The following DCC variants were observed in gnomAD, a reference collection of about 807,000 sequenced individuals.
DCC encodes the protein netrin receptor DCC.
A neutral mutation model predicts 172.5 loss-of-function variants in DCC; 58 were observed. That is an observed-to-expected ratio of 0.34 (90% CI 0.27 to 0.42). The LOEUF is 0.42. DCC is among the 10% of genes least tolerant of loss of function. The pLI is 1.00. For missense variants in DCC, 1,740 were observed against 1,791.0 expected, an observed-to-expected ratio of 0.97 and a Z score of 0.51; for synonymous variants, 709 against 644.5, an observed-to-expected ratio of 1.10 and a Z score of -1.52.
chr18:53,279,158 G>C (rs923264445), intron 12 of DCC, among the ~76,000 whole-genome samples: 1 of 152,104 alleles, frequency 6.6e-6, no homozygotes, highest in African/African-American at 2.4e-5. Context: ...TTCTCTGATG[G>C]CCAGTGATGA....
intron 1 of DCC, among the ~76,000 whole-genome samples, chr18:52,650,995 G>T (rs2035120659): frequency 6.6e-6 from 1 of 152,106 alleles, no homozygotes; most frequent in Admixed American, 6.5e-5. Flanking sequence ...ATTATTAAAA[G>T]CATATTGCTT....
chr18:53,264,476 CAA>C (rs935972832), intron 12 of DCC, among the ~76,000 whole-genome samples: 2 of 46,294 alleles, frequency 4.3e-5, no homozygotes, highest in Admixed American at 2.6e-4. Flanking sequence ...AACTCCGTCT[CAA>C]AAAAAAAAAA....
chr18:52,773,404 T>G (rs1337089097), intron 2 of DCC, among the ~76,000 whole-genome samples: 1 of 152,212 alleles, frequency 6.6e-6, no homozygotes, highest in Non-Finnish European at 1.5e-5. Flanking sequence ...AGATGATGTA[T>G]TCACCAAATC....
chr18:53,019,054 A>G (rs906600349), intron 5 of DCC, among the ~76,000 whole-genome samples: 5 of 152,202 alleles, frequency 3.3e-5, no homozygotes, highest in Non-Finnish European at 7.4e-5. Flanking sequence ...CTAGTAATGT[A>G]CTTTAATCAG....
chr18:53,160,025 G>A (rs772959452), intron 8 of DCC, among the ~76,000 whole-genome samples: 8 of 152,236 alleles, frequency 5.3e-5, no homozygotes, highest in Middle Eastern at 3.4e-3. Context: ...GGATGAGGAA[G>A]AGAAAGGGAA....
At chr18:52,673,631 G>T (rs1365985297) in intron 1 of DCC, among the ~76,000 whole-genome samples, 2 of 152,158 alleles carry the variant, frequency 1.3e-5, no homozygotes, top group Non-Finnish European at 2.9e-5. Context: ...ACTAGGTATA[G>T]CTCACCCTCA....
chr18:53,029,959 A>G (rs2042006221), intron 5 of DCC, among the ~76,000 whole-genome samples: 1 of 152,194 alleles, frequency 6.6e-6, no homozygotes, highest in African/African-American at 2.4e-5. Context: ...GCCTACCTAG[A>G]TATTTTATGC....
At chr18:52,703,800 G>GA (rs34414459) in intron 1 of DCC, among the ~76,000 whole-genome samples, 16,563 of 147,718 alleles carry the variant, frequency 0.11, 1,105 homozygotes, top group East Asian at 0.29. Flanking sequence ...AAGTTAAATG[G>GA]AAAAAAAAAA....
intron 1 of DCC, among the ~76,000 whole-genome samples, chr18:52,458,871 A>C (rs1213159268): frequency 6.6e-6 from 1 of 152,208 alleles, no homozygotes; most frequent in Non-Finnish European, 1.5e-5. Flanking sequence ...AGGAGAGTTA[A>C]AAAATAAAAA....
In DCC at chr18:53,081,272, A is replaced by C. The variant is rs578070027; in HGVS notation, c.1261+15106A>C. Among the ~76,000 whole-genome samples, 3 of 152,132 alleles carry C rather than the reference A, an allele frequency of 2.0e-5. No homozygotes were observed. The East Asian group carries it at 5.8e-4, about 29-fold the overall frequency. On this transcript the variant is annotated intron_variant, in intron 7 of 28. Coordinates refer to ENST00000442544, the MANE Select transcript of DCC (RefSeq NM_005215.4). The stretch of plus-strand genomic sequence containing the variant: ...AGTTCACAAATTGATTTTGCAGAGT[A>C]AGCTTGCTTTAGGAAATAAACACCT...
In DCC at chr18:53,391,802, C is replaced by G; in HGVS notation, c.2603C>G (p.Ser868Cys). 6.2e-7 allele frequency: 1 copy of G among 1,614,080 alleles called. No homozygotes were observed. The highest frequency in any genetic ancestry group is 2.2e-5 in the East Asian group (1 of 44,876). Residue 868 changes from serine (S) to cysteine (C), a missense_variant, in exon 17 of 29, where the codon TCT (serine) becomes TGT (cysteine). Around this residue, in one of 2 missense-constraint regions of DCC, gnomAD observed 1,732 missense variants for 1,767.4 expected, o/e 0.98. Coordinates refer to ENST00000442544, the MANE Select transcript of DCC (RefSeq NM_005215.4). Reference sequence around the variant, plus strand: ...GTGAGGGTCAGCTGGGCAGACAACTCTGTCCCTAAGAACCAAAAGACGTCT... The same window carrying G: ...GTGAGGGTCAGCTGGGCAGACAACTGTGTCCCTAAGAACCAAAAGACGTCT... ...DAVRVSWADN[S>C]VPKNQKTSEV...
chr18:52,768,498 A>G (rs1008159047), intron 2 of DCC, among the ~76,000 whole-genome samples: 1 of 152,166 alleles, frequency 6.6e-6, no homozygotes, highest in South Asian at 2.1e-4. Context: ...TGCCCTCAAC[A>G]TTTCAGACTA....
rs1422155114 is a variant in DCC at position 52,923,933 on chromosome 18, G to A, written c.848+76G>A. The A allele has an allele frequency of 8.3e-6, 9 of 1,080,838 alleles. No individual in the cohort carries two copies. In the South Asian group the frequency reaches 1.0e-4, roughly 12 times the overall value. 67.0% of individuals were successfully genotyped at this position (1,080,838 alleles called of 1,614,324 possible). A position where few individuals can be genotyped will look rare whatever the true frequency, so the allele number is the denominator to read the frequency against. On this transcript the variant is annotated intron_variant, in intron 4 of 28. Transcript: ENST00000442544. The stretch of plus-strand genomic sequence containing the variant: ...GCTGCTATTTATATTTCTCTAATTT[G>A]ATATAAGTACCTACAGTACTAGGGT...
At chr18:52,550,463 G>A (rs1200843748) in intron 1 of DCC, among the ~76,000 whole-genome samples, 1 of 152,066 alleles carries the variant, frequency 6.6e-6, no homozygotes, top group Admixed American at 6.6e-5. Context: ...TTCTCACTTG[G>A]CATTCTTTGT....
chr18:53,174,968 C>T (rs2055068499), intron 8 of DCC, among the ~76,000 whole-genome samples: 1 of 152,114 alleles, frequency 6.6e-6, no homozygotes, highest in Non-Finnish European at 1.5e-5. Flanking sequence ...CATCAAAAAG[C>T]TTATTCACCA....
At chr18:53,350,512 A>T (rs1272011210) in intron 15 of DCC, among the ~76,000 whole-genome samples, 1 of 152,162 alleles carries the variant, frequency 6.6e-6, no homozygotes, top group African/African-American at 2.4e-5. Context: ...GCATACAAAA[A>T]AGTAAATAAA....
At chr18:52,831,202 T>C (rs999437660) in intron 2 of DCC, among the ~76,000 whole-genome samples, 3 of 152,142 alleles carry the variant, frequency 2.0e-5, no homozygotes, top group African/African-American at 2.4e-5. Flanking sequence ...TTTCAAAGCA[T>C]AGCAAGATGA....
intron 7 of DCC, among the ~76,000 whole-genome samples, chr18:53,131,564 A>G (rs940313264): frequency 3.9e-5 from 6 of 152,170 alleles, no homozygotes; most frequent in African/African-American, 1.2e-4. Context: ...GTGATGGTTG[A>G]TGTGCGGGAT....
At chr18:53,234,917 T>G (rs1254063278) in intron 12 of DCC, among the ~76,000 whole-genome samples, 1 of 152,218 alleles carries the variant, frequency 6.6e-6, no homozygotes, top group Non-Finnish European at 1.5e-5. Flanking sequence ...TCCTTGTAAA[T>G]ATATTCATTT....
Sources: allele counts gnomAD v4.1 joint callset (sites outside exome capture counted in the v4.1 genomes callset), GRCh38; gene constraint gnomAD v4.1.1; regional missense constraint gnomAD v4.1.1; transcripts MANE v1.5; gene names NCBI Gene and HGNC (gene_info 2026-07-23, HGNC 2026-07-21).